Variants in NKAIN2 observed in about 807,000 individuals in gnomAD.
The protein encoded by NKAIN2 is sodium/potassium transporting ATPase interacting 2, also known as sodium/potassium-transporting ATPase subunit beta-1-interacting protein 2.
NKAIN2 carries 14 observed loss-of-function variants against 32.6 expected under a neutral mutation model. That is an observed-to-expected ratio of 0.43 (90% CI 0.28 to 0.67). NKAIN2 has a LOEUF of 0.67. Ranked by LOEUF, NKAIN2 falls within the 30% of genes least tolerant of loss-of-function variation. NKAIN2 has a pLI of 0.17. For synonymous variants in NKAIN2, 80 were observed against 87.2 expected, an observed-to-expected ratio of 0.92 and a Z score of 0.46; for missense variants, 198 against 258.3, an observed-to-expected ratio of 0.77 and a Z score of 1.60.
chr6:124,328,234 T>C (rs1211790076), intron 2 of NKAIN2, among the ~76,000 whole-genome samples: 2 of 152,224 alleles, frequency 1.3e-5, no homozygotes, highest in Non-Finnish European at 2.9e-5. Context: ...TTACTGGACA[T>C]TTGGAATATA....
intron 3 of NKAIN2, among the ~76,000 whole-genome samples, chr6:124,586,668 G>A (rs1362801492): frequency 6.6e-6 from 1 of 151,564 alleles, no homozygotes; most frequent in African/African-American, 2.4e-5. Context: ...GCTACCATAT[G>A]ACCCAGCAAT....
chr6:124,564,295 T>C (rs1004945010), intron 3 of NKAIN2, among the ~76,000 whole-genome samples: 4 of 152,146 alleles, frequency 2.6e-5, no homozygotes, highest in Non-Finnish European at 5.9e-5. Context: ...GGATTATAAA[T>C]GCACCAATCA....
chr6:124,063,243 A>G (rs1783004432), intron 1 of NKAIN2, among the ~76,000 whole-genome samples: 1 of 152,056 alleles, frequency 6.6e-6, no homozygotes, highest in Admixed American at 6.6e-5. Flanking sequence ...GAAAAAAATT[A>G]AAGACTTGAA....
At chr6:124,413,051 G>A (rs531204058) in intron 3 of NKAIN2, among the ~76,000 whole-genome samples, 21 of 152,258 alleles carry the variant, frequency 1.4e-4, no homozygotes, top group Admixed American at 9.1e-4. Context: ...GGAGTGACCC[G>A]ATTTTCCAGG....
chr6:124,081,156 T>C (rs988698335), intron 1 of NKAIN2, among the ~76,000 whole-genome samples: 1 of 152,142 alleles, frequency 6.6e-6, no homozygotes, highest in Non-Finnish European at 1.5e-5. Context: ...TTAAAGATTT[T>C]TGTCTGCCAC....
At chr6:124,482,258 T>C (rs985844236) in intron 3 of NKAIN2, among the ~76,000 whole-genome samples, 3 of 152,198 alleles carry the variant, frequency 2.0e-5, no homozygotes, top group Non-Finnish European at 2.9e-5. Context: ...TTGAAACTGA[T>C]TGTGGTTGGC....
At chr6:124,646,398 TAAG>T (rs1308439351) in intron 3 of NKAIN2, among the ~76,000 whole-genome samples, 1 of 151,910 alleles carries the variant, frequency 6.6e-6, no homozygotes, top group Non-Finnish European at 1.5e-5. Flanking sequence ...AAAGAAAAGA[TAAG>T]AAGGTGAGAG....
At chr6:124,672,966 T>C (rs1773177918) in intron 4 of NKAIN2, among the ~76,000 whole-genome samples, 1 of 152,080 alleles carries the variant, frequency 6.6e-6, no homozygotes, top group Admixed American at 6.6e-5. Context: ...TGTATGCACA[T>C]TGTTGTAAAG....
intron 1 of NKAIN2, among the ~76,000 whole-genome samples, chr6:124,026,298 T>C (rs142495019): frequency 9.5e-4 from 145 of 152,364 alleles, no homozygotes; most frequent in African/African-American, 3.3e-3. Context: ...AAGGAACATA[T>C]ATTTTTCTCT....
At chr6:123,979,981 A>G (rs796359158) in intron 1 of NKAIN2, among the ~76,000 whole-genome samples, 25 of 152,274 alleles carry the variant, frequency 1.6e-4, no homozygotes, top group African/African-American at 6.0e-4. Flanking sequence ...GTTGATTATG[A>G]TATTAGATGA....
At chr6:124,080,682 C>T (rs1300378141) in intron 1 of NKAIN2, among the ~76,000 whole-genome samples, 7 of 151,970 alleles carry the variant, frequency 4.6e-5, no homozygotes, top group African/African-American at 1.4e-4. Flanking sequence ...CTTTATGGCC[C>T]TCCCTGATTG....
At chr6:124,066,403 C>A (rs1783180637) in intron 1 of NKAIN2, among the ~76,000 whole-genome samples, 1 of 152,164 alleles carries the variant, frequency 6.6e-6, no homozygotes, top group Non-Finnish European at 1.5e-5. Flanking sequence ...CCTGACTGCA[C>A]TGGCAGGAAT....
chr6:123,988,932 G>T (rs572950600), intron 1 of NKAIN2, among the ~76,000 whole-genome samples: 15 of 151,196 alleles, frequency 9.9e-5, no homozygotes, highest in Admixed American at 3.3e-4. Context: ...TGCTGCTGAT[G>T]ATCAATCAGA....
chr6:124,700,667 G>A (rs1458729242), intron 4 of NKAIN2, among the ~76,000 whole-genome samples: 1 of 151,952 alleles, frequency 6.6e-6, no homozygotes, highest in Non-Finnish European at 1.5e-5. Context: ...TTAACCTAGA[G>A]GCTAACTTAA....
rs113715479 is a variant in NKAIN2 at position 124,719,720 on chromosome 6, G to C, written c.474+61334G>C. Among the ~76,000 whole-genome samples the C allele has an allele frequency of 3.4e-3, 341 of 98,926 alleles. 4 individuals are homozygous for C. Among genetic ancestry groups the C allele is most frequent in the African/African-American group, 0.013 (318 of 24,058 alleles). The allele number at this position is 98,926 out of a possible 152,430, so 64.9% of individuals were successfully genotyped here. On this transcript the variant is annotated intron_variant, in intron 4 of 6. Coordinates refer to ENST00000368417, the MANE Select transcript of NKAIN2 (RefSeq NM_001040214.3). ...TACTTCTGTTCATTAAACTGACCCT[G>C]CTAATCAAAAAAAAAAAAATAGGAA...
At chr6:123,911,787 A>G (rs7769667) in intron 1 of NKAIN2, among the ~76,000 whole-genome samples, 3,670 of 69,598 alleles carry the variant, frequency 0.053, 174 homozygotes, top group East Asian at 0.12. Context: ...ACATACATAT[A>G]TATATATATA....
intron 3 of NKAIN2, among the ~76,000 whole-genome samples, chr6:124,568,374 G>A (rs531739730): frequency 1.3e-5 from 2 of 152,200 alleles, no homozygotes; most frequent in Non-Finnish European, 2.9e-5. Context: ...AACAACAGGC[G>A]TGATATAGAG....
intron 1 of NKAIN2, among the ~76,000 whole-genome samples, chr6:124,241,878 T>C (rs1040586946): frequency 2.0e-5 from 3 of 152,090 alleles, no homozygotes; most frequent in Admixed American, 6.5e-5. Context: ...GACCCCTTCC[T>C]TACACCTTAT....
intron 4 of NKAIN2, among the ~76,000 whole-genome samples, chr6:124,666,454 A>C (rs555626532): frequency 6.6e-6 from 1 of 152,278 alleles, no homozygotes; most frequent in South Asian, 2.1e-4. Flanking sequence ...TTATTACTGA[A>C]TAGTAAGAAG....
Sources: allele counts gnomAD v4.1 joint callset (sites outside exome capture counted in the v4.1 genomes callset), GRCh38; gene constraint gnomAD v4.1.1; transcripts MANE v1.5; gene names NCBI Gene and HGNC (gene_info 2026-07-23, HGNC 2026-07-21).